Variants in TMEM178B observed in about 807,000 individuals in gnomAD.
TMEM178B encodes the protein transmembrane protein 178B.
TMEM178B carries 5 observed loss-of-function variants against 31.0 expected under a neutral mutation model. The ratio of observed to expected loss-of-function variants is 0.16; its 90% CI spans 0.08 to 0.34. TMEM178B has a LOEUF of 0.34. Ranked by LOEUF, TMEM178B falls within the 10% of genes least tolerant of loss-of-function variation. The pLI is 1.00. For missense variants in TMEM178B, 275 were observed against 400.3 expected (o/e 0.69, Z 2.67); for synonymous variants, 164 against 164.0 (o/e 1.00, Z 0.00).
At chr7:141,253,854 C>G (rs73167488) in intron 2 of TMEM178B, among the ~76,000 whole-genome samples, 2,774 of 152,260 alleles carry the variant, frequency 0.018, 30 homozygotes, top group Non-Finnish European at 0.028. Flanking sequence ...GCCCGGCCCC[C>G]TTCATTTTTG....
At position 141,241,558 on chromosome 7, in the gene TMEM178B, C is replaced by T. The variant is rs1337885182; in HGVS notation, c.496+28854C>T. Among the ~76,000 whole-genome samples the T allele has an allele frequency of 2.8e-5, 4 of 145,310 alleles. No individual in the cohort carries two copies. In the East Asian group the frequency reaches 6.2e-4, roughly 22 times the overall value. On this transcript the variant is annotated intron_variant, in intron 2 of 3. Coordinates refer to ENST00000565468, the MANE Select transcript of TMEM178B (RefSeq NM_001195278.2). ...TGATCTGAGATCCCGCTGTTGCACTCCAGCCTGGGGAACAAGAGCGGGACT... is the reference window on the plus strand; with the variant it reads ...TGATCTGAGATCCCGCTGTTGCACTTCAGCCTGGGGAACAAGAGCGGGACT...
chr7:141,109,627 C>A (rs374043581), intron 1 of TMEM178B, among the ~76,000 whole-genome samples: 1 of 152,108 alleles, frequency 6.6e-6, no homozygotes, highest in Non-Finnish European at 1.5e-5. Context: ...ACCATTAACC[C>A]CCCTTGTCTA....
Position 141,442,499 on chromosome 7 carries a change from G to A in TMEM178B, c.634+4754G>A, listed in dbSNP as rs115329669. ...CCTTACACCTCTTTAGAAGCTGTTT[G>A]TAATCAGGCTCATGCTGCCTCTCAC... On this transcript the variant is annotated intron_variant, in intron 3 of 3. Coordinates refer to ENST00000565468, the MANE Select transcript of TMEM178B (RefSeq NM_001195278.2). Among the ~76,000 whole-genome samples the A allele has an allele frequency of 1.7e-3, 254 of 152,272 alleles. 1 individual carries two copies. The highest frequency in any genetic ancestry group is 5.9e-3 in the African/African-American group (247 of 41,544).
intron 1 of TMEM178B, among the ~76,000 whole-genome samples, chr7:141,085,208 G>A (rs1794761077): frequency 6.9e-6 from 1 of 143,940 alleles, no homozygotes; most frequent in African/African-American, 2.6e-5. Flanking sequence ...TGTTGGCCAG[G>A]CTGGTCTCGA....
intron 2 of TMEM178B, among the ~76,000 whole-genome samples, chr7:141,245,094 C>T (rs71545305): frequency 1.5e-4 from 19 of 129,268 alleles, no homozygotes; most frequent in African/African-American, 5.2e-4. Flanking sequence ...ACCTGGGAGG[C>T]GGAGGTTGCA....
chr7:141,511,220 G>T, the TMEM178B span, among the ~76,000 whole-genome samples: 3 of 149,244 alleles, frequency 2.0e-5, no homozygotes, highest in African/African-American at 7.4e-5. Flanking sequence ...CTTTAGTGAT[G>T]CCCTTTATAT....
chr7:141,403,078 T>C (rs1800815017), intron 2 of TMEM178B, among the ~76,000 whole-genome samples: 2 of 152,238 alleles, frequency 1.3e-5, no homozygotes, highest in African/African-American at 2.4e-5. Context: ...AAGATTGGCT[T>C]TGAGGCCACA....
intron 2 of TMEM178B, among the ~76,000 whole-genome samples, chr7:141,329,343 A>C (rs1306451096): frequency 3.9e-5 from 6 of 152,154 alleles, no homozygotes; most frequent in Non-Finnish European, 7.3e-5. Context: ...AGACAAGAGG[A>C]AGAAAGCTGG....
chr7:141,386,645 G>A lies in TMEM178B; in HGVS notation c.497-50963G>A, dbSNP rs1442506842. ...TTCTCGGGTTTTAAACATTCTAGGG[G>A]GATGTCATGAGTACTTTGAAACTAT... On this transcript the variant is annotated intron_variant, in intron 2 of 3. Transcript: ENST00000565468. Among the ~76,000 whole-genome samples, 5 of 152,234 alleles carry A rather than the reference G, an allele frequency of 3.3e-5. No homozygotes were observed. The East Asian group carries it at 9.7e-4, about 29-fold the overall frequency.
intron 1 of TMEM178B, among the ~76,000 whole-genome samples, chr7:141,098,452 G>T (rs1464130677): frequency 2.6e-5 from 4 of 152,340 alleles, no homozygotes; most frequent in Middle Eastern, 3.4e-3. Flanking sequence ...AAAGTGGTTT[G>T]TCTAGGCTAC....
At chr7:141,408,646 G>T (rs138776938) in intron 2 of TMEM178B, among the ~76,000 whole-genome samples, 2 of 152,144 alleles carry the variant, frequency 1.3e-5, no homozygotes, top group African/African-American at 4.8e-5. Flanking sequence ...GAATGAATGA[G>T]CATGGGGGCA....
rs975360589 is a variant in TMEM178B at position 141,476,071 on chromosome 7, G to A, written c.*5285G>A. 4 of 152,304 alleles carry A rather than the reference G, an allele frequency of 2.6e-5. No homozygotes were observed. In the South Asian group the frequency reaches 8.3e-4, roughly 32 times the overall value. 9.4% of individuals were successfully genotyped at this position (152,304 alleles called of 1,614,324 possible). ...AAACATGAAGTGTCATATGAGTTAT[G>A]TATGTTCTAATTATCCCTCAGAAGA... On this transcript the variant is annotated 3_prime_UTR_variant, in exon 4 of 4. Transcript: ENST00000565468.
At chr7:141,303,693 A>C (rs1365828199) in intron 2 of TMEM178B, among the ~76,000 whole-genome samples, 1 of 152,234 alleles carries the variant, frequency 6.6e-6, no homozygotes, top group Non-Finnish European at 1.5e-5. Context: ...TTATGCCTCC[A>C]CCAATCCCCA....
chr7:141,318,410 G>T lies in TMEM178B; in HGVS notation c.496+105706G>T, dbSNP rs144587482. Among the ~76,000 whole-genome samples the T allele has an allele frequency of 2.6e-5, 4 of 152,126 alleles. No homozygotes were observed. The highest frequency in any genetic ancestry group is 9.7e-5 in the African/African-American group (4 of 41,420). On this transcript the variant is annotated intron_variant, in intron 2 of 3. Transcript: ENST00000565468. This position sits in a 1 kb window ranked among gnomAD's most constrained non-coding sequence, Gnocchi z 4.1. ...CCAAGCTGGCTTGAATTAATCTAGTGGGGGGAAAACCCAAGTGTTTGGTTT... is the reference window on the plus strand; with the variant it reads ...CCAAGCTGGCTTGAATTAATCTAGTTGGGGGAAAACCCAAGTGTTTGGTTT...
rs557006786 is a variant in TMEM178B at position 141,218,895 on chromosome 7, A to G, written c.496+6191A>G. ...GCCAGTTCTAGCCCAGCCTGCTCCA[A>G]TGTAGAATGGCCACCTTCTGAACTT... is the stretch of plus-strand genomic sequence containing the variant. On this transcript the variant is annotated intron_variant, in intron 2 of 3. Transcript: ENST00000565468. Among the ~76,000 whole-genome samples, 7 of 152,248 alleles carry G rather than the reference A, an allele frequency of 4.6e-5. No individual in the cohort carries two copies. In the East Asian group the frequency reaches 5.8e-4, roughly 13 times the overall value.
At chr7:141,207,522 G>A (rs890608708) in intron 1 of TMEM178B, among the ~76,000 whole-genome samples, 4 of 152,062 alleles carry the variant, frequency 2.6e-5, no homozygotes, top group East Asian at 1.9e-4. Flanking sequence ...GTTTCAATTC[G>A]CATTTCCCTG....
intron 1 of TMEM178B, among the ~76,000 whole-genome samples, chr7:141,125,116 T>A (rs555996632): frequency 6.6e-6 from 1 of 152,366 alleles, no homozygotes; most frequent in South Asian, 2.1e-4. Flanking sequence ...AATGTCTGTG[T>A]TTGAATTAGC....
At chr7:141,351,160 T>A (rs1337851122) in intron 2 of TMEM178B, among the ~76,000 whole-genome samples, 1 of 152,236 alleles carries the variant, frequency 6.6e-6, no homozygotes, top group Non-Finnish European at 1.5e-5. Context: ...TCTCACCTAT[T>A]CCTTTTCCAA....
At chr7:141,445,443 A>G (rs556846763) in intron 3 of TMEM178B, among the ~76,000 whole-genome samples, 1 of 152,196 alleles carries the variant, frequency 6.6e-6, no homozygotes, top group Admixed American at 6.5e-5. Flanking sequence ...GCCTTTCCCC[A>G]CTGTTATTCC....
Sources: gnomAD v4.1 joint callset for allele counts (sites outside exome capture counted in the v4.1 genomes callset) on GRCh38, gnomAD v4.1.1 for gene constraint, Gnocchi (gnomAD v3.1) non-coding constraint, MANE v1.5 for transcripts, NCBI Gene and HGNC (gene_info 2026-07-23, HGNC 2026-07-21) for gene names.